The following CAB39 variants were observed in gnomAD, a reference collection of about 807,000 sequenced individuals.
CAB39 encodes calcium-binding protein 39.
In CAB39, 8 loss-of-function variants were observed where a neutral mutation model predicts 40.0. The observed-to-expected ratio is 0.20, with a 90% CI of 0.12 to 0.36. CAB39 has a LOEUF of 0.36. CAB39 is among the 10% of genes least tolerant of loss of function. The pLI, the probability that CAB39 is intolerant of heterozygous loss-of-function variation, is 1.00. For missense variants in CAB39, 270 were observed against 401.1 expected (o/e 0.67, Z 2.79); for synonymous variants, 156 against 141.6 (o/e 1.10, Z -0.72).
chr2:230,724,768 T>G (rs2124861280), intron 1 of CAB39, among the ~76,000 whole-genome samples: 2 of 151,074 alleles, frequency 1.3e-5, no homozygotes, highest in Admixed American at 1.3e-4. Context: ...TTTTTTTTTT[T>G]TGAAAGCCAC....
At chr2:230,735,552 C>T (rs929078416) in intron 1 of CAB39, among the ~76,000 whole-genome samples, 5 of 152,078 alleles carry the variant, frequency 3.3e-5, no homozygotes, top group African/African-American at 9.7e-5. Flanking sequence ...CTCCTTCTGT[C>T]ACCCAGGCTG....
intron 1 of CAB39, among the ~76,000 whole-genome samples, chr2:230,734,690 G>T (rs1351621411): frequency 5.3e-5 from 8 of 152,066 alleles, no homozygotes; most frequent in Admixed American, 5.2e-4. Context: ...TTGTCCTTTA[G>T]TCCTCATGTT....
At chr2:230,771,384 A>G (rs1248725858) in intron 2 of CAB39, among the ~76,000 whole-genome samples, 7 of 152,168 alleles carry the variant, frequency 4.6e-5, no homozygotes, top group Non-Finnish European at 1.5e-5. Context: ...TAAAAATACC[A>G]TTTAGAATAG....
chr2:230,774,447 C>A lies in CAB39; in HGVS notation c.114+14332C>A, dbSNP rs1575937201. Among the ~76,000 whole-genome samples the A allele has an allele frequency of 2.6e-5, 4 of 151,916 alleles. No individual in the cohort carries two copies. In the South Asian group the frequency reaches 8.3e-4, roughly 32 times the overall value. Reference sequence around the variant, plus strand: ...ATTTTAAAAAAGCGGTTAATGTTACCATCCTTATTTTTAGGTAACTAGGGG... The same window carrying A: ...ATTTTAAAAAAGCGGTTAATGTTACAATCCTTATTTTTAGGTAACTAGGGG... On this transcript the variant is annotated intron_variant, in intron 2 of 8. Coordinates refer to ENST00000258418, the MANE Select transcript of CAB39 (RefSeq NM_016289.4).
At chr2:230,780,898 A>G (rs1333461499) in intron 2 of CAB39, among the ~76,000 whole-genome samples, 2 of 152,196 alleles carry the variant, frequency 1.3e-5, no homozygotes, top group East Asian at 3.8e-4. Context: ...CCTGACCAAC[A>G]TAATGAGACC....
At chr2:230,769,193 G>A (rs1022174253) in intron 2 of CAB39, among the ~76,000 whole-genome samples, 1 of 152,186 alleles carries the variant, frequency 6.6e-6, no homozygotes, top group African/African-American at 2.4e-5. Flanking sequence ...GGGGTGAAAT[G>A]TTCCAACAGA....
intron 1 of CAB39, among the ~76,000 whole-genome samples, chr2:230,720,483 T>A (rs950969173): frequency 6.6e-6 from 1 of 152,226 alleles, no homozygotes; most frequent in Non-Finnish European, 1.5e-5. Context: ...TCGCCCAGGC[T>A]GGAGTGCAAT....
intron 2 of CAB39, among the ~76,000 whole-genome samples, chr2:230,764,672 A>C (rs184787378): frequency 1.3e-5 from 2 of 152,358 alleles, no homozygotes; most frequent in Admixed American, 6.5e-5. Flanking sequence ...AGATTTGGCA[A>C]CAAATATAGT....
chr2:230,772,924 C>A (rs1184599065), intron 2 of CAB39, among the ~76,000 whole-genome samples: 6 of 149,544 alleles, frequency 4.0e-5, no homozygotes, highest in African/African-American at 1.5e-4. Context: ...TGTAAATGGC[C>A]CAGACGTGTG....
chr2:230,792,590 C>G (rs892854177), intron 3 of CAB39, among the ~76,000 whole-genome samples: 1 of 152,206 alleles, frequency 6.6e-6, no homozygotes, highest in African/African-American at 2.4e-5. Context: ...AAAGATCCGT[C>G]TGTTTTGTAC....
intron 6 of CAB39, 71 bp from the exon 7 acceptor site, chr2:230,813,978 C>CTTTGTTTTT: frequency 9.0e-6 from 1 of 111,338 alleles, no homozygotes; most frequent in South Asian, 8.4e-5. Flanking sequence ...ACCTACCAGT[C>CTTTGTTTTT]TTTTTTTTTT....
chr2:230,720,398 A>G (rs796106642), intron 1 of CAB39, among the ~76,000 whole-genome samples: 2 of 152,134 alleles, frequency 1.3e-5, no homozygotes, highest in African/African-American at 4.8e-5. Context: ...GCATTCATAC[A>G]TCCTCAAATG....
intron 5 of CAB39, among the ~76,000 whole-genome samples, chr2:230,800,538 T>C (rs1462599792): frequency 3.9e-5 from 6 of 152,192 alleles, no homozygotes; most frequent in African/African-American, 1.2e-4. Context: ...TTATAATGCA[T>C]CGGTGGAAGG....
intron 1 of CAB39, among the ~76,000 whole-genome samples, chr2:230,741,642 T>A (rs151220959): frequency 1.7e-3 from 254 of 152,284 alleles, no homozygotes; most frequent in African/African-American, 5.7e-3. Context: ...ACTCTAGGAA[T>A]GGGAATTTGA....
intron 1 of CAB39, among the ~76,000 whole-genome samples, chr2:230,729,717 GACA>G (rs762106776): frequency 2.0e-5 from 3 of 150,356 alleles, no homozygotes; most frequent in Non-Finnish European, 4.4e-5. Flanking sequence ...CTCCAGCTTG[GACA>G]ACAAGAATGA....
rs1319091937 is a variant in CAB39 at position 230,820,918 on chromosome 2, C to A, written c.*2214C>A. ...GGTTTAATTTTACATAAGGCAGTTA[C>A]TTAATGTGATTTTTAACCCTTAAAA... On this transcript the variant is annotated 3_prime_UTR_variant, in exon 9 of 9. Coordinates refer to ENST00000258418, the MANE Select transcript of CAB39 (RefSeq NM_016289.4). The A allele has an allele frequency of 6.6e-6, 1 of 152,566 alleles. No homozygotes were observed. Among genetic ancestry groups the A allele is most frequent in the Non-Finnish European group, 1.5e-5 (1 of 68,032 alleles). The allele number at this position is 152,566 out of a possible 1,614,324, so 9.5% of individuals were successfully genotyped here. A position where few individuals can be genotyped will look rare whatever the true frequency, so the allele number is the denominator to read the frequency against.
At chr2:230,814,273 A>G (rs920874677) in intron 7 of CAB39, among the ~76,000 whole-genome samples, 159 bp downstream of exon 7, 1 of 152,138 alleles carries the variant, frequency 6.6e-6, no homozygotes, top group Admixed American at 6.5e-5. Context: ...GGAGTTGGAC[A>G]GTGATCCATG....
At chr2:230,732,772 G>A (rs537081336) in intron 1 of CAB39, among the ~76,000 whole-genome samples, 2 of 152,188 alleles carry the variant, frequency 1.3e-5, no homozygotes, top group Non-Finnish European at 2.9e-5. Flanking sequence ...TGATAATGAA[G>A]TGTGTGCCTG....
intron 1 of CAB39, among the ~76,000 whole-genome samples, chr2:230,748,580 T>G (rs1022365067): frequency 3.3e-5 from 5 of 151,520 alleles, no homozygotes; most frequent in Non-Finnish European, 7.4e-5. Flanking sequence ...CCAAGGCGGG[T>G]CAATCACTTG....
Sources: allele counts gnomAD v4.1 joint callset (sites outside exome capture counted in the v4.1 genomes callset), GRCh38; gene constraint gnomAD v4.1.1; transcripts MANE v1.5; gene names NCBI Gene and HGNC (gene_info 2026-07-23, HGNC 2026-07-21).